CBFA2T2: variants seen among roughly 807,000 people sequenced by gnomAD.
The protein encoded by CBFA2T2 is protein CBFA2T2.
Under a neutral mutation model 62.2 loss-of-function variants are expected in CBFA2T2, and 11 were observed. That is an observed-to-expected ratio of 0.18 (90% CI 0.11 to 0.29). The LOEUF (loss-of-function observed/expected upper bound fraction) is 0.29, where lower values mean the gene tolerates loss of function less well. Ranked by LOEUF, CBFA2T2 falls within the 10% of genes least tolerant of loss-of-function variation. The pLI is 1.00. For missense variants in CBFA2T2, 592 were observed against 774.1 expected, an observed-to-expected ratio of 0.76 and a Z score of 2.79; for synonymous variants, 295 against 287.5, an observed-to-expected ratio of 1.03 and a Z score of -0.27.
intron 1 of CBFA2T2, among the ~76,000 whole-genome samples, chr20:33,532,663 C>T (rs1386804510): frequency 6.6e-6 from 1 of 152,188 alleles, no homozygotes; most frequent in Admixed American, 6.5e-5. Flanking sequence ...GTTTGAATGT[C>T]TCATTTAACA....
At chr20:33,596,771 A>G (rs1011792530) in intron 1 of CBFA2T2, among the ~76,000 whole-genome samples, 3 of 152,102 alleles carry the variant, frequency 2.0e-5, no homozygotes, top group African/African-American at 4.8e-5. Flanking sequence ...CATTTCTGTT[A>G]GAATATCTAC....
At chr20:33,588,983 A>G (rs569823164) in intron 1 of CBFA2T2, among the ~76,000 whole-genome samples, 5 of 152,044 alleles carry the variant, frequency 3.3e-5, no homozygotes, top group South Asian at 2.1e-4. Flanking sequence ...TGAAAGGAGG[A>G]AAAAAAACCC....
At chr20:33,492,301 G>C (rs2011152723) in intron 1 of CBFA2T2, among the ~76,000 whole-genome samples, 2 of 151,866 alleles carry the variant, frequency 1.3e-5, no homozygotes, top group Non-Finnish European at 2.9e-5. Flanking sequence ...TTACGAGCGT[G>C]AGTCACCAAG....
intron 8 of CBFA2T2, among the ~76,000 whole-genome samples, chr20:33,633,252 C>T (rs903801830): frequency 3.9e-5 from 6 of 151,984 alleles, no homozygotes; most frequent in African/African-American, 2.4e-5. Context: ...CATGCCTGTA[C>T]TCCCACCTAC....
At chr20:33,511,260 T>C (rs377332517) in intron 1 of CBFA2T2, among the ~76,000 whole-genome samples, 5 of 152,334 alleles carry the variant, frequency 3.3e-5, no homozygotes, top group African/African-American at 1.2e-4. Flanking sequence ...AGGGTTTTTA[T>C]GGTTTTACGT....
chr20:33,534,453 C>T (rs1317273129), intron 1 of CBFA2T2, among the ~76,000 whole-genome samples: 1 of 152,120 alleles, frequency 6.6e-6, no homozygotes, highest in African/African-American at 2.4e-5. Flanking sequence ...GCTGGGACTA[C>T]AGGCACGCGC....
chr20:33,557,675 T>C (rs937653863), intron 1 of CBFA2T2, among the ~76,000 whole-genome samples: 4 of 151,958 alleles, frequency 2.6e-5, no homozygotes, highest in African/African-American at 7.3e-5. Context: ...CCTGGCTAAT[T>C]TTGTAATTTT....
chr20:33,612,804 T>A (rs1223145593), intron 3 of CBFA2T2, among the ~76,000 whole-genome samples: 1 of 152,276 alleles, frequency 6.6e-6, no homozygotes, highest in Non-Finnish European at 1.5e-5. Context: ...AAAAAATTTC[T>A]CAGTCTAAGG....
chr20:33,622,762 A>G (rs1049568304), intron 4 of CBFA2T2, among the ~76,000 whole-genome samples: 12 of 152,200 alleles, frequency 7.9e-5, no homozygotes, highest in Non-Finnish European at 4.4e-5. Context: ...TGACTCCCAC[A>G]TAGGCAGTAG....
intron 1 of CBFA2T2, among the ~76,000 whole-genome samples, chr20:33,560,603 A>C (rs1225782388): frequency 6.6e-6 from 1 of 152,216 alleles, no homozygotes; most frequent in East Asian, 1.9e-4. Context: ...CCTAGTAATT[A>C]AGTTGCCCTT....
intron 1 of CBFA2T2, among the ~76,000 whole-genome samples, chr20:33,546,117 G>C (rs893047346): frequency 2.0e-5 from 3 of 152,200 alleles, no homozygotes; most frequent in African/African-American, 7.2e-5. Context: ...TTGTTTATCT[G>C]AGGGAAGAGG....
rs74767714 is a variant in CBFA2T2 at position 33,529,415 on chromosome 20, C to T, written c.34+39114C>T. On this transcript the variant is annotated intron_variant, in intron 1 of 10. Coordinates refer to ENST00000342704, the MANE Select transcript of CBFA2T2 (RefSeq NM_001032999.3). ...CAAGCCTCTTTCAACTCTGGTTTAA[C>T]TAGTGCAGGAGCTCTTTCCATCCCT... 6.7e-3 allele frequency among the ~76,000 whole-genome samples: 1,027 copies of T among 152,232 alleles called. 6 individuals are homozygous for T. The highest frequency in any genetic ancestry group is 0.023 in the African/African-American group (962 of 41,550).
At chr20:33,550,980 T>A (rs1179890058) in intron 1 of CBFA2T2, among the ~76,000 whole-genome samples, 1 of 151,904 alleles carries the variant, frequency 6.6e-6, no homozygotes, top group Non-Finnish European at 1.5e-5. Flanking sequence ...TGAGTTGGGG[T>A]GGAGAGTTGT....
chr20:33,526,720 G>T (rs142994496), intron 1 of CBFA2T2, among the ~76,000 whole-genome samples: 212 of 143,580 alleles, frequency 1.5e-3, no homozygotes, highest in African/African-American at 5.0e-3. Flanking sequence ...GTTCAGCAAG[G>T]CCAAATTTTC....
chr20:33,599,302 A>C (rs145654998), intron 1 of CBFA2T2, among the ~76,000 whole-genome samples: 2 of 152,138 alleles, frequency 1.3e-5, no homozygotes, highest in African/African-American at 2.4e-5. Flanking sequence ...ATTTTTGTGA[A>C]TAAAGATTGA....
intron 1 of CBFA2T2, among the ~76,000 whole-genome samples, chr20:33,548,648 G>A (rs2012644867): frequency 6.6e-6 from 1 of 151,888 alleles, no homozygotes; most frequent in Non-Finnish European, 1.5e-5. Flanking sequence ...TTCAACCTCA[G>A]ATTTTCTGCA....
chr20:33,565,204 C>A (rs928909449), intron 1 of CBFA2T2, among the ~76,000 whole-genome samples: 3 of 152,206 alleles, frequency 2.0e-5, no homozygotes, highest in Admixed American at 6.5e-5. Context: ...TAGGTGTGAG[C>A]CACTGCGCCC....
At chr20:33,628,133 C>A (rs1464905156) in intron 6 of CBFA2T2, among the ~76,000 whole-genome samples, 2 of 152,108 alleles carry the variant, frequency 1.3e-5, no homozygotes, top group Non-Finnish European at 2.9e-5. Flanking sequence ...AGGGCTATTT[C>A]GTGTTTTACA....
At chr20:33,557,262 C>T (rs913183023) in intron 1 of CBFA2T2, among the ~76,000 whole-genome samples, 2 of 152,010 alleles carry the variant, frequency 1.3e-5, no homozygotes, top group African/African-American at 4.8e-5. Flanking sequence ...ATCCGCCTGC[C>T]TTGGCCTCCC....
Sources: gnomAD v4.1 joint callset for allele counts (sites outside exome capture counted in the v4.1 genomes callset) on GRCh38, gnomAD v4.1.1 for gene constraint, MANE v1.5 for transcripts, NCBI Gene and HGNC (gene_info 2026-07-23, HGNC 2026-07-21) for gene names.